Variants in SUGCT observed in about 807,000 individuals in gnomAD.
SUGCT encodes succinyl-CoA:glutarate CoA-transferase.
In SUGCT, 41 loss-of-function variants were observed where a neutral mutation model predicts 55.0. The observed-to-expected ratio is 0.74, with a 90% CI of 0.58 to 0.97. The LOEUF is 0.97. Among genes scored for constraint, SUGCT ranks in the 50% least tolerant of loss-of-function variants. The pLI is 0.00. For missense variants in SUGCT, 568 were observed against 547.8 expected (o/e 1.04, Z -0.37); for synonymous variants, 187 against 200.4 (o/e 0.93, Z 0.56).
chr7:40,870,811 A>G, the SUGCT span, among the ~76,000 whole-genome samples: 1 of 152,128 alleles, frequency 6.6e-6, no homozygotes, highest in East Asian at 1.9e-4. Flanking sequence ...TTATATCAAT[A>G]TGGACTAGTT....
intron 6 of SUGCT, among the ~76,000 whole-genome samples, chr7:40,216,856 GA>G (rs200157482): frequency 8.9e-4 from 111 of 125,402 alleles, no homozygotes; most frequent in South Asian, 2.5e-3. Context: ...ATTCCATCTC[GA>G]AAAAAAAAAA....
At chr7:40,175,013 C>T (rs975030403) in intron 1 of SUGCT, among the ~76,000 whole-genome samples, 2 of 152,080 alleles carry the variant, frequency 1.3e-5, no homozygotes, top group African/African-American at 4.8e-5. Context: ...TTGCTATGAA[C>T]ATCTTTTGCT....
intron 9 of SUGCT, among the ~76,000 whole-genome samples, chr7:40,409,392 A>T (rs1786549728): frequency 1.3e-5 from 2 of 152,000 alleles, no homozygotes; most frequent in Non-Finnish European, 2.9e-5. Context: ...GCCTCCAAGT[A>T]GGGACTACAG....
At chr7:40,501,201 C>G (rs1225155034) in intron 12 of SUGCT, among the ~76,000 whole-genome samples, 2 of 152,096 alleles carry the variant, frequency 1.3e-5, no homozygotes, top group African/African-American at 2.4e-5. Context: ...ACACATTCAA[C>G]TGATGTACAA....
chr7:40,720,348 T>C (rs1281670662), intron 12 of SUGCT, among the ~76,000 whole-genome samples: 9 of 152,226 alleles, frequency 5.9e-5, no homozygotes, highest in Admixed American at 5.9e-4. Context: ...ATGCCGCATC[T>C]TGGATTACTT....
the SUGCT span, among the ~76,000 whole-genome samples, chr7:40,930,505 C>T: frequency 6.6e-6 from 1 of 152,140 alleles, no homozygotes; most frequent in Non-Finnish European, 1.5e-5. Flanking sequence ...TATAAATTAC[C>T]TTGGGCAGTA....
chr7:40,884,868 G>A, the SUGCT span, among the ~76,000 whole-genome samples: 2 of 152,126 alleles, frequency 1.3e-5, no homozygotes, highest in Non-Finnish European at 2.9e-5. Flanking sequence ...CTTCTTCTCT[G>A]CCCCAAAGGG....
chr7:40,527,026 G>A (rs990755179), intron 12 of SUGCT, among the ~76,000 whole-genome samples: 1 of 151,904 alleles, frequency 6.6e-6, no homozygotes, highest in Non-Finnish European at 1.5e-5. Context: ...CATTTAATTA[G>A]AGTTACAAAT....
At chr7:40,755,125 G>T (rs1216029044) in intron 13 of SUGCT, among the ~76,000 whole-genome samples, 1 of 152,136 alleles carries the variant, frequency 6.6e-6, no homozygotes, top group East Asian at 1.9e-4. Context: ...CTAAAATAGA[G>T]CTAATAATCA....
At chr7:40,943,893 C>T in the SUGCT span, among the ~76,000 whole-genome samples, 2 of 150,842 alleles carry the variant, frequency 1.3e-5, no homozygotes, top group Admixed American at 6.6e-5. Context: ...TACAGTCCCA[C>T]CAACAGTGTA....
At chr7:40,503,221 C>T (rs557327364) in intron 12 of SUGCT, among the ~76,000 whole-genome samples, 1 of 152,204 alleles carries the variant, frequency 6.6e-6, no homozygotes, top group South Asian at 2.1e-4. Context: ...GAGACGTAGT[C>T]ATTCATGGCT....
chr7:40,267,739 A>G lies in SUGCT; in HGVS notation c.577-6774A>G, dbSNP rs971590511. On this transcript the variant is annotated intron_variant, in intron 7 of 13. Transcript: ENST00000335693. ...GAATACTTAGGCACTTTACAGTCAC[A>G]GTGTCGTTCTCTGTGGGAATTTCTA... Among the ~76,000 whole-genome samples, 6 of 152,084 alleles carry G rather than the reference A, an allele frequency of 3.9e-5. No individual in the cohort carries two copies. In the South Asian group the frequency reaches 6.2e-4, roughly 16 times the overall value.
intron 12 of SUGCT, among the ~76,000 whole-genome samples, chr7:40,718,389 A>C (rs1453007689): frequency 6.6e-6 from 1 of 152,208 alleles, no homozygotes; most frequent in Non-Finnish European, 1.5e-5. Flanking sequence ...TCATGTTGTG[A>C]TACTTATTTG....
rs566280162 is a variant in SUGCT at position 40,645,349 on chromosome 7, T to G, written c.1090-104085T>G. Among the ~76,000 whole-genome samples the G allele has an allele frequency of 1.1e-3, 168 of 152,210 alleles. 1 individual carries two copies. The highest frequency in any genetic ancestry group is 3.9e-3 in the African/African-American group (161 of 41,536). On this transcript the variant is annotated intron_variant, in intron 12 of 13. Coordinates refer to ENST00000335693, the MANE Select transcript of SUGCT (RefSeq NM_001193313.2). The stretch of plus-strand genomic sequence containing the variant: ...CTGTGGGCCGTGGCTCTTTTCTGTC[T>G]CCCAGGCTGGAATGTGGTGTGGGAG...
At chr7:40,588,732 G>A (rs1797546658) in intron 12 of SUGCT, among the ~76,000 whole-genome samples, 1 of 152,082 alleles carries the variant, frequency 6.6e-6, no homozygotes, top group South Asian at 2.1e-4. Context: ...AGTGTCACTA[G>A]GGAACATGTA....
At chr7:40,601,658 C>T (rs187626244) in intron 12 of SUGCT, among the ~76,000 whole-genome samples, 86 of 152,174 alleles carry the variant, frequency 5.7e-4, no homozygotes, top group African/African-American at 1.9e-3. Context: ...GTCCAACATG[C>T]GGCCTGCAGA....
intron 7 of SUGCT, among the ~76,000 whole-genome samples, chr7:40,249,341 A>AT (rs1554296383): frequency 9.9e-5 from 13 of 131,616 alleles, no homozygotes; most frequent in African/African-American, 3.5e-4. Flanking sequence ...ATATATATAT[A>AT]TATATAATTA....
chr7:40,539,096 AT>A (rs58101754), intron 12 of SUGCT: 100 of 150,460 alleles, frequency 6.6e-4, no homozygotes, highest in Middle Eastern at 3.4e-3. Context: ...AAAAAAAAAA[AT>A]TTACTGAAGA....
intron 12 of SUGCT, among the ~76,000 whole-genome samples, chr7:40,696,200 C>T (rs1405663385): frequency 1.3e-5 from 2 of 152,086 alleles, no homozygotes; most frequent in South Asian, 2.1e-4. Flanking sequence ...TCCTCAGTCA[C>T]CCATCAGTCA....
Sources: gnomAD v4.1 joint callset for allele counts (sites outside exome capture counted in the v4.1 genomes callset) on GRCh38, gnomAD v4.1.1 for gene constraint, MANE v1.5 for transcripts, NCBI Gene and HGNC (gene_info 2026-07-23, HGNC 2026-07-21) for gene names.